The following TRDN variants were observed in gnomAD, a reference collection of about 807,000 sequenced individuals.
TRDN encodes triadin, also known as triadin in skeletal muscle.
A neutral mutation model predicts 149.7 loss-of-function variants in TRDN; 161 were observed. That is an observed-to-expected ratio of 1.08 (90% CI 0.95 to 1.23). The LOEUF is 1.23. Among genes scored for constraint, TRDN ranks in the 50% most tolerant of loss-of-function variants. TRDN has a pLI of 0.00. For synonymous variants in TRDN, 294 were observed against 250.5 expected (o/e 1.17, Z -1.64); for missense variants, 896 against 823.5 (o/e 1.09, Z -1.08).
chr6:123,403,935 AATT>A (rs1773091039), intron 12 of TRDN, among the ~76,000 whole-genome samples: 1 of 152,190 alleles, frequency 6.6e-6, no homozygotes, highest in African/African-American at 2.4e-5. Flanking sequence ...TTGATATTCA[AATT>A]ATTATTGAAA....
intron 10 of TRDN, chr6:123,462,935 A>G (rs1274287897): frequency 6.6e-6 from 1 of 152,220 alleles, no homozygotes; most frequent in Non-Finnish European, 1.5e-5. Context: ...CAGGGTTAGC[A>G]GCCTTCAAGC....
chr6:123,509,659 T>C (rs979996789), intron 7 of TRDN: 2 of 152,144 alleles, frequency 1.3e-5, no homozygotes, highest in African/African-American at 4.8e-5. Flanking sequence ...TGCCACCTTG[T>C]AAGATTGTGA....
intron 2 of TRDN, among the ~76,000 whole-genome samples, chr6:123,557,894 C>T (rs1562387270): frequency 6.6e-6 from 1 of 151,852 alleles, no homozygotes; most frequent in African/African-American, 2.4e-5. Context: ...CTCCATTCCT[C>T]CCTCTTCTCC....
chr6:123,437,269 G>A (rs9320934), intron 12 of TRDN: 26,071 of 243,408 alleles, frequency 0.11, 2,277 homozygotes, highest in African/African-American at 0.28. Flanking sequence ...AACTTTAATA[G>A]GTTTCTTTCT....
intron 23 of TRDN, among the ~76,000 whole-genome samples, chr6:123,329,953 A>T (rs1779599593): frequency 1.3e-5 from 2 of 152,072 alleles, no homozygotes; most frequent in Non-Finnish European, 2.9e-5. Flanking sequence ...GATTTAGCTA[A>T]TGCATCTTCT....
rs1447335214 is a variant in TRDN, at chr6:123,388,523, T to G, written c.1134A>C (p.Glu378Asp). 1 of 1,586,710 alleles carries G rather than the reference T, an allele frequency of 6.3e-7. No individual in the cohort carries two copies. The highest frequency in any genetic ancestry group is 1.1e-5 in the South Asian group (1 of 87,228). Residue 378 changes from glutamate (E) to aspartate (D), a missense_variant and splice_region_variant, in exon 14 of 41, where the codon GAA becomes GAC. Transcript: ENST00000334268. ...AGTGGGATTTTGCATAAAACATACC[T>G]TCCTTCTTTTCATCCTTCTTAGCTG... is the stretch of plus-strand genomic sequence containing the variant. ...QAAAKKDEKK[E>D]DSKKTKKPAE...
At chr6:123,218,845 G>T in intron 40 of TRDN, 105 bp from the exon 41 acceptor site, 2 of 1,234,154 alleles carry the variant, frequency 1.6e-6, no homozygotes, top group South Asian at 1.6e-5. Flanking sequence ...TCTGCCAGCA[G>T]CCTCCGTAGC....
intron 24 of TRDN, among the ~76,000 whole-genome samples, chr6:123,291,625 T>C (rs1778016050): frequency 6.6e-6 from 1 of 152,142 alleles, no homozygotes; most frequent in Non-Finnish European, 1.5e-5. Context: ...TTAGATAGTC[T>C]GTGTAATTTG....
At chr6:123,544,658 T>G (rs2114417289) in intron 4 of TRDN, among the ~76,000 whole-genome samples, 1 of 152,144 alleles carries the variant, frequency 6.6e-6, no homozygotes, top group African/African-American at 2.4e-5. Flanking sequence ...CTTATAATTT[T>G]TAGACAACTA....
At chr6:123,409,162 TACA>T (rs1554233552) in intron 12 of TRDN, among the ~76,000 whole-genome samples, 3 of 152,196 alleles carry the variant, frequency 2.0e-5, no homozygotes, top group Non-Finnish European at 4.4e-5. Flanking sequence ...TCACACTAAC[TACA>T]ATAATAATAT....
intron 24 of TRDN, among the ~76,000 whole-genome samples, chr6:123,290,715 T>C (rs1422627168): frequency 6.6e-6 from 1 of 152,208 alleles, no homozygotes; most frequent in Non-Finnish European, 1.5e-5. Flanking sequence ...TCTTCCTTTC[T>C]AGGTTTATAT....
intron 12 of TRDN, among the ~76,000 whole-genome samples, chr6:123,398,484 T>G (rs1421729585): frequency 6.6e-6 from 1 of 152,204 alleles, no homozygotes; most frequent in East Asian, 1.9e-4. Context: ...TAGTGGAAAC[T>G]AATGACAAAT....
At chr6:123,474,036 C>G (rs1302755719) in intron 9 of TRDN, among the ~76,000 whole-genome samples, 1 of 151,956 alleles carries the variant, frequency 6.6e-6, no homozygotes, top group Non-Finnish European at 1.5e-5. Context: ...ACTGCATCAA[C>G]TAACGAGCAA....
At chr6:123,499,719 A>AAAAAAAAAAAAAAAAAT in intron 8 of TRDN, among the ~76,000 whole-genome samples, 1 of 47,684 alleles carries the variant, frequency 2.1e-5, no homozygotes, top group African/African-American at 7.1e-5. Flanking sequence ...AAAAAAAAAA[A>AAAAAAAAAAAAAAAAAT]ATATATATAT....
intron 10 of TRDN, 115 bp downstream of exon 10, chr6:123,464,791 T>C: frequency 6.7e-7 from 1 of 1,493,334 alleles, no homozygotes; most frequent in Non-Finnish European, 8.9e-7. Context: ...ATACTAAAAG[T>C]ATTTAAGAAA....
chr6:123,463,355 AAT>A (rs1370968863), intron 10 of TRDN, among the ~76,000 whole-genome samples: 1 of 143,194 alleles, frequency 7.0e-6, no homozygotes, highest in Admixed American at 6.8e-5. Context: ...AAAAAAAATA[AAT>A]AATAAATAAA....
rs560129510 is a variant in TRDN at position 123,278,105 on chromosome 6, T to C, written c.1567+213A>G. 1.2e-3 allele frequency among the ~76,000 whole-genome samples: 179 copies of C among 152,258 alleles called. 5 individuals carry two copies. In the South Asian group the frequency reaches 0.037, roughly 31 times the overall value. Reference sequence around the variant, plus strand: ...TTACTTAGTTACTTCTTCTGAACCATGTAAATTTCTCAGATATTTCACCTA... The same window carrying C: ...TTACTTAGTTACTTCTTCTGAACCACGTAAATTTCTCAGATATTTCACCTA... On this transcript the variant is annotated intron_variant, in intron 26 of 40. Transcript: ENST00000334268.
rs189106156 is a variant in TRDN at position 123,503,692 on chromosome 6, C to T, written c.793+27G>A. 3.7e-4 allele frequency: 603 copies of T among 1,612,962 alleles called. 8 individuals are homozygous for T. Among genetic ancestry groups the T allele is most frequent in the South Asian group, 2.9e-3 (266 of 90,956 alleles). Reference sequence around the variant, plus strand: ...TTGCCCAATATTCTCTTAGAACCTCCGGCAGCCTCCTGCTCTGAATGTTTA... The same window carrying T: ...TTGCCCAATATTCTCTTAGAACCTCTGGCAGCCTCCTGCTCTGAATGTTTA... On this transcript the variant is annotated intron_variant, in intron 8 of 40. Coordinates refer to ENST00000334268, the MANE Select transcript of TRDN (RefSeq NM_006073.4).
chr6:123,596,695 A>G (rs1025052805), intron 1 of TRDN, among the ~76,000 whole-genome samples: 4 of 152,038 alleles, frequency 2.6e-5, no homozygotes. Flanking sequence ...AATTATACTA[A>G]ATCTACCTTG....
Sources: allele counts gnomAD v4.1 joint callset (sites outside exome capture counted in the v4.1 genomes callset), GRCh38; gene constraint gnomAD v4.1.1; transcripts MANE v1.5; gene names NCBI Gene and HGNC (gene_info 2026-07-23, HGNC 2026-07-21).